Variants in ITPR2 observed in about 807,000 individuals in gnomAD.
ITPR2 encodes inositol 1,4,5-trisphosphate-gated calcium channel ITPR2.
In ITPR2, 207 loss-of-function variants were observed where a neutral mutation model predicts 317.1. That is an observed-to-expected ratio of 0.65 (90% confidence interval 0.58 to 0.73). ITPR2 has a LOEUF of 0.73. Among genes scored for constraint, ITPR2 ranks in the 30% least tolerant of loss-of-function variants. ITPR2 has a pLI of 0.00. For synonymous variants in ITPR2, 1,156 were observed against 1,149.1 expected (o/e 1.01, Z -0.12); for missense variants, 2,613 against 3,284.0 (o/e 0.80, Z 4.99).
intron 48 of ITPR2, among the ~76,000 whole-genome samples, chr12:26,428,762 C>A (rs1348312144): frequency 1.3e-5 from 2 of 152,134 alleles, no homozygotes; most frequent in Non-Finnish European, 2.9e-5. Flanking sequence ...AAGAGAGGTT[C>A]AAAAATATTT....
At chr12:26,649,369 TCTAA>T (rs767829761) in intron 21 of ITPR2, 7 of 152,200 alleles carry the variant, frequency 4.6e-5, no homozygotes, top group Non-Finnish European at 1.0e-4. Context: ...AGTCAAGAAA[TCTAA>T]CTGACATAAT....
At chr12:26,391,555 CCTTTTTTTTT>C (rs1174235287) in intron 54 of ITPR2, among the ~76,000 whole-genome samples, 15 of 70,854 alleles carry the variant, frequency 2.1e-4, no homozygotes, top group Non-Finnish European at 3.1e-4. Context: ...TTCTTCTTTT[CCTTTTTTTTT>C]TTTTTTTTTT....
intron 1 of ITPR2, among the ~76,000 whole-genome samples, chr12:26,805,620 G>T (rs1351702018): frequency 7.2e-6 from 1 of 138,884 alleles, no homozygotes; most frequent in Non-Finnish European, 1.6e-5. Flanking sequence ...ACTCTTCCAG[G>T]AGGGAATGGG....
At chr12:26,566,833 G>T (rs1944998010) in intron 34 of ITPR2, among the ~76,000 whole-genome samples, 1 of 152,068 alleles carries the variant, frequency 6.6e-6, no homozygotes, top group Non-Finnish European at 1.5e-5. Context: ...CTGCACTTCT[G>T]TCTCATCTGA....
intron 2 of ITPR2, among the ~76,000 whole-genome samples, chr12:26,750,329 A>T (rs1949392855): frequency 6.6e-6 from 1 of 152,086 alleles, no homozygotes; most frequent in Non-Finnish European, 1.5e-5. Flanking sequence ...CTTGTACTAG[A>T]CATCTCTCTG....
intron 2 of ITPR2, among the ~76,000 whole-genome samples, chr12:26,748,916 A>G (rs1362753615): frequency 1.3e-5 from 2 of 152,224 alleles, no homozygotes; most frequent in Non-Finnish European, 2.9e-5. Context: ...TTAGTAATTT[A>G]AGCCACAGAA....
intron 55 of ITPR2, among the ~76,000 whole-genome samples, chr12:26,349,983 AT>A (rs1386155778): frequency 6.6e-6 from 1 of 152,194 alleles, no homozygotes; most frequent in African/African-American, 2.4e-5. Context: ...AGATGGGCTG[AT>A]TCTATAACCC....
chr12:26,540,579 T>C (rs1262391783), intron 37 of ITPR2, among the ~76,000 whole-genome samples: 3 of 152,204 alleles, frequency 2.0e-5, no homozygotes, highest in Non-Finnish European at 2.9e-5. Context: ...GTACAGGCAA[T>C]ATTTTCAATA....
intron 34 of ITPR2, among the ~76,000 whole-genome samples, chr12:26,569,514 C>T (rs901296525): frequency 1.0e-4 from 15 of 146,750 alleles, no homozygotes; most frequent in African/African-American, 3.8e-4. Flanking sequence ...ATGTTCATGC[C>T]ACTGCACTCC....
Position 26,657,157 on chromosome 12 carries a change from A to G in ITPR2, c.2192+550T>C, listed in dbSNP as rs537844756. On this transcript the variant is annotated intron_variant, in intron 18 of 56. Coordinates refer to ENST00000381340, the MANE Select transcript of ITPR2 (RefSeq NM_002223.4). ...TCTGCCTTGGGTTTCTATACCTGCA[A>G]CTCAAAGATGCCAGCTAGGTTCTTG... is the stretch of plus-strand genomic sequence containing the variant. Among the ~76,000 whole-genome samples the G allele has an allele frequency of 1.6e-4, 25 of 152,270 alleles. No individual in the cohort carries two copies. The East Asian group carries it at 4.1e-3, about 25-fold the overall frequency.
chr12:26,677,578 C>A (rs1238061676), intron 13 of ITPR2, among the ~76,000 whole-genome samples: 1 of 151,350 alleles, frequency 6.6e-6, no homozygotes, highest in Admixed American at 6.6e-5. Flanking sequence ...CCAGCCTGGG[C>A]AACAGAGCAA....
At chr12:26,650,560 C>T (rs12579148) in intron 21 of ITPR2, among the ~76,000 whole-genome samples, 19,440 of 152,054 alleles carry the variant, frequency 0.13, 1,664 homozygotes, top group Non-Finnish European at 0.19. Flanking sequence ...AATAAAAAAT[C>T]TCTGTATCTT....
At chr12:26,804,518 G>A (rs1950609890) in intron 1 of ITPR2, among the ~76,000 whole-genome samples, 1 of 151,914 alleles carries the variant, frequency 6.6e-6, no homozygotes, top group Admixed American at 6.6e-5. Flanking sequence ...CAAACCAAGG[G>A]TAAAATCAAA....
At chr12:26,632,884 C>T (rs1388371874) in intron 21 of ITPR2, among the ~76,000 whole-genome samples, 1 of 152,176 alleles carries the variant, frequency 6.6e-6, no homozygotes, top group East Asian at 1.9e-4. Flanking sequence ...AAGGATCCTC[C>T]TTAACACTAT....
chr12:26,663,811 T>A lies in ITPR2; in HGVS notation c.1587A>T (p.Lys529Asn), dbSNP rs746972439. 8.7e-5 allele frequency: 140 copies of A among 1,613,624 alleles called. 1 individual carries two copies. In the Admixed American group the frequency reaches 2.0e-3, roughly 23 times the overall value. The change falls in exon 15 of 57, where the codon AAA becomes AAT. Residue 529 changes from lysine to asparagine, a missense_variant. Transcript: ENST00000381340. ...GTCTCAGCATCGAGCCTTCTCCTGC[T>A]TTCTCTTTAAAGGGTGCTTTAAGAA... ...FGILKAPFKE[K>N]AGEGSMLRLE...
chr12:26,583,573 CTCT>C (rs1945452678), intron 32 of ITPR2, among the ~76,000 whole-genome samples: 1 of 152,012 alleles, frequency 6.6e-6, no homozygotes, highest in African/African-American at 2.4e-5. Context: ...TAGTTTTTAA[CTCT>C]TTAAAATATC....
chr12:26,432,903 C>A (rs981425594), intron 48 of ITPR2, among the ~76,000 whole-genome samples: 1 of 152,152 alleles, frequency 6.6e-6, no homozygotes, highest in Non-Finnish European at 1.5e-5. Context: ...TCTCACCCAC[C>A]TCTAAATCAC....
At chr12:26,721,186 CA>C (rs1948832602) in intron 5 of ITPR2, 1 of 428,404 alleles carries the variant, frequency 2.3e-6, no homozygotes, top group Non-Finnish European at 4.1e-6. Flanking sequence ...CACCTGATGT[CA>C]AAAGAAAAAA....
chr12:26,698,984 T>G (rs756806181), intron 9 of ITPR2, among the ~76,000 whole-genome samples: 4 of 151,598 alleles, frequency 2.6e-5, no homozygotes, highest in Non-Finnish European at 4.4e-5. Context: ...TGTCTTCTGC[T>G]TGAAAAATTT....
Sources: allele counts gnomAD v4.1 joint callset (sites outside exome capture counted in the v4.1 genomes callset), GRCh38; gene constraint gnomAD v4.1.1; transcripts MANE v1.5; gene names NCBI Gene and HGNC (gene_info 2026-07-23, HGNC 2026-07-21).